PPP6R3: variants seen among roughly 807,000 people sequenced by gnomAD.
PPP6R3 encodes protein phosphatase 6 regulatory subunit 3, also known as serine/threonine-protein phosphatase 6 regulatory subunit 3.
PPP6R3 carries 38 observed loss-of-function variants against 110.7 expected under a neutral mutation model. The observed-to-expected ratio is 0.34, with a 90% CI of 0.26 to 0.45. PPP6R3 has a LOEUF of 0.45. Ranked by LOEUF, PPP6R3 falls within the 20% of genes least tolerant of loss-of-function variation. The probability of loss-of-function intolerance (pLI) is 1.00; values close to 1 mark genes in which losing one functional copy is unlikely to be tolerated. For synonymous variants in PPP6R3, 369 were observed against 373.5 expected (o/e 0.99, Z 0.14); for missense variants, 870 against 1,062.4 (o/e 0.82, Z 2.52).
intron 1 of PPP6R3, among the ~76,000 whole-genome samples, chr11:68,504,459 C>G (rs548886792): frequency 6.6e-6 from 1 of 152,080 alleles, no homozygotes; most frequent in South Asian, 2.1e-4. Context: ...AGGATTCTTT[C>G]GAGTGGATTC....
chr11:68,558,659 A>G lies in PPP6R3; in HGVS notation c.825A>G (p.Leu275=). 1.9e-6 allele frequency: 3 copies of G among 1,610,626 alleles called. No individual in the cohort carries two copies. The highest frequency in any genetic ancestry group is 1.7e-6 in the Non-Finnish European group (2 of 1,178,204). ...IVSAIQILLT[L]LETRRPTFEG... ...GTGCAATCCAGATATTGCTGACTTT[A>G]CTTGAGACACGACGACCAACGTAAG... The change falls in exon 8 of 24, where the codon TTA becomes TTG. Residue 275 remains leucine, a synonymous_variant. Transcript: ENST00000393800.
At chr11:68,597,829 A>G (rs1407513994) in intron 19 of PPP6R3, among the ~76,000 whole-genome samples, 1 of 151,782 alleles carries the variant, frequency 6.6e-6, no homozygotes, top group African/African-American at 2.4e-5. Context: ...AAAAAAAAAA[A>G]AAAAGCTGGG....
At chr11:68,582,948 GA>G in intron 14 of PPP6R3, 94 bp from the exon 15 acceptor site, 2 of 993,552 alleles carry the variant, frequency 2.0e-6, no homozygotes, top group East Asian at 2.8e-5. Context: ...TACACGTTGA[GA>G]AAAAAACTAA....
intron 22 of PPP6R3, among the ~76,000 whole-genome samples, chr11:68,606,319 CTTCT>C (rs1384151271): frequency 2.0e-5 from 3 of 151,738 alleles, no homozygotes; most frequent in South Asian, 2.1e-4. Context: ...CTTCTTTCTT[CTTCT>C]TTCTTCTTTC....
chr11:68,613,063 T>C lies in PPP6R3; in HGVS notation c.2571-3T>C, dbSNP rs1460749498. 2 of 1,614,030 alleles carry C rather than the reference T, an allele frequency of 1.2e-6. No homozygotes were observed. Among genetic ancestry groups the C allele is most frequent in the East Asian group, 2.2e-5 (1 of 44,896 alleles). ...CCTCCGATGCCTGTCTGTTGCTCCT[T>C]AGGACTGGCCAACCAAGCGCACCAG... On this transcript the variant is annotated splice_polypyrimidine_tract_variant and splice_region_variant and intron_variant, in intron 23 of 23. Coordinates refer to ENST00000393800, the MANE Select transcript of PPP6R3 (RefSeq NM_001164161.2).
chr11:68,478,647 G>GTTTTTTTTTTGTTTTTTT (rs2098861201), intron 1 of PPP6R3, among the ~76,000 whole-genome samples: 1 of 50,506 alleles, frequency 2.0e-5, no homozygotes, highest in African/African-American at 9.7e-5. Context: ...CACTTGGTAA[G>GTTTTTTTTTTGTTTTTTT]TTTTTTTTTT....
chr11:68,583,000 A>C, intron 14 of PPP6R3, 43 bp from the exon 15 acceptor site: 1 of 1,340,626 alleles, frequency 7.5e-7, no homozygotes, highest in Non-Finnish European at 1.0e-6. Flanking sequence ...AATGTCCAAA[A>C]CTTTTCTATG....
chr11:68,549,412 G>C (rs547325253), intron 5 of PPP6R3, among the ~76,000 whole-genome samples: 1 of 152,312 alleles, frequency 6.6e-6, no homozygotes, highest in Admixed American at 6.5e-5. Context: ...GAGGTAGGGA[G>C]GTGTGCCAGG....
Position 68,613,660 on chromosome 11 carries a change from T to A in PPP6R3, c.*543T>A, listed in dbSNP as rs1944547566. ...AAAAGTGATTTTGAATAAGAAATAT[T>A]TGGTGTTCTTTTTATAACCAGTTTT... On this transcript the variant is annotated 3_prime_UTR_variant, in exon 24 of 24. Transcript: ENST00000393800. 1 of 985,086 alleles carries A rather than the reference T, an allele frequency of 1.0e-6. No homozygotes were observed. Among genetic ancestry groups the A allele is most frequent in the African/African-American group, 1.7e-5 (1 of 57,334 alleles). The allele number at this position is 985,086 out of a possible 1,614,324, so 61.0% of individuals were successfully genotyped here. A position where few individuals can be genotyped will look rare whatever the true frequency, so the allele number is the denominator to read the frequency against.
In PPP6R3 at chr11:68,596,338, C is replaced by T. The variant is rs773714158; in HGVS notation, c.2038+120C>T. ...ATCTGAAGGAAAGGTTGGGTTGAAG[C>T]GTGTTGTCAAGTGAATTCCTCTTGG... On this transcript the variant is annotated intron_variant, in intron 19 of 23. Transcript: ENST00000393800. 35 of 1,385,776 alleles carry T rather than the reference C, an allele frequency of 2.5e-5. No individual in the cohort carries two copies. In the Middle Eastern group the frequency reaches 7.2e-4, roughly 28 times the overall value. The allele number at this position is 1,385,776 out of a possible 1,614,324, so 85.8% of individuals were successfully genotyped here.
chr11:68,595,262 C>G (rs1295312519), intron 18 of PPP6R3, among the ~76,000 whole-genome samples: 3 of 119,484 alleles, frequency 2.5e-5, no homozygotes, highest in Admixed American at 2.4e-4. Context: ...CTTGTCCAGG[C>G]TGGAGTGCAG....
At chr11:68,583,903 G>T (rs77684156) in intron 15 of PPP6R3, among the ~76,000 whole-genome samples, 2,064 of 152,264 alleles carry the variant, frequency 0.014, 56 homozygotes, top group African/African-American at 0.047. Context: ...ACCCAGCACA[G>T]AATGTTGTTG....
In PPP6R3 at chr11:68,563,094, C is replaced by T. The variant is rs118009069; in HGVS notation, c.846-1209C>T. Among the ~76,000 whole-genome samples, 1,049 of 145,080 alleles carry T rather than the reference C, an allele frequency of 7.2e-3. 3 individuals are homozygous for T. The highest frequency in any genetic ancestry group is 0.014 in the Middle Eastern group (4 of 290). ...GGGGGAGGATCACTTGAGAAGGCCC[C>T]ATCTCTACCGAAAAAAAAAAAAAAA... On this transcript the variant is annotated intron_variant, in intron 8 of 23. Transcript: ENST00000393800.
rs1472508557 is a variant in PPP6R3 at position 68,531,041 on chromosome 11, C to T, written c.-6-6618C>T. On this transcript the variant is annotated intron_variant, in intron 2 of 23. Transcript: ENST00000393800. ...GCCTCTGTCTTGTTGAATGAAAACC[C>T]ACTGATATCAACTTTTTCAGAGGTA... 2.6e-5 allele frequency among the ~76,000 whole-genome samples: 4 copies of T among 152,134 alleles called. No individual in the cohort carries two copies. The East Asian group carries it at 7.7e-4, about 29-fold the overall frequency.
chr11:68,494,810 G>A (rs1565405882), intron 1 of PPP6R3, among the ~76,000 whole-genome samples: 1 of 151,888 alleles, frequency 6.6e-6, no homozygotes, highest in Non-Finnish European at 1.5e-5. Flanking sequence ...GATCTTAACG[G>A]CCCCCCAGCC....
chr11:68,575,960 C>T lies in PPP6R3; in HGVS notation c.1462C>T (p.Leu488Phe), dbSNP rs1215597275. 6.2e-7 allele frequency: 1 copy of T among 1,607,090 alleles called. No individual in the cohort carries two copies. The highest frequency in any genetic ancestry group is 8.5e-7 in the Non-Finnish European group (1 of 1,175,070). Reference sequence around the variant, plus strand: ...TTTTTGCTTTTCTCACTCTGAAGATCTTCCCGACGAAGTCAGGGAACGATG... The same window carrying T: ...TTTTTGCTTTTCTCACTCTGAAGATTTTCCCGACGAAGTCAGGGAACGATG... ...SALVQQLIKD[L>F]PDEVRERWET... The change falls in exon 14 of 24, where the codon CTT (leucine) becomes TTT (phenylalanine). Residue 488 changes from leucine to phenylalanine, a missense_variant and splice_region_variant. By Grantham distance (22) the Leu-to-Phe change is conservative. Transcript: ENST00000393800.
At chr11:68,473,984 T>C (rs997561162) in intron 1 of PPP6R3, among the ~76,000 whole-genome samples, 3 of 152,158 alleles carry the variant, frequency 2.0e-5, no homozygotes, top group African/African-American at 7.2e-5. Context: ...TTATGGCTAA[T>C]GCTGATGAGT....
At chr11:68,462,910 A>G (rs1408680833) in intron 1 of PPP6R3, among the ~76,000 whole-genome samples, 1 of 152,182 alleles carries the variant, frequency 6.6e-6, no homozygotes, top group African/African-American at 2.4e-5. Context: ...CAGGAAGAAG[A>G]TTGTTTTCGG....
intron 12 of PPP6R3, among the ~76,000 whole-genome samples, chr11:68,573,114 T>TTTTATTTATATATATATA (rs1397314086): frequency 1.6e-5 from 1 of 61,796 alleles, no homozygotes. Context: ...TTTACTTATT[T>TTTTATTTATATATATATA]TATATATATA....
Sources: gnomAD v4.1 joint callset for allele counts (sites outside exome capture counted in the v4.1 genomes callset) on GRCh38, gnomAD v4.1.1 for gene constraint, MANE v1.5 for transcripts, NCBI Gene and HGNC (gene_info 2026-07-23, HGNC 2026-07-21) for gene names.